Variants in NDST3 observed in about 807,000 individuals in gnomAD.
The protein encoded by NDST3 is bifunctional heparan sulfate N-deacetylase/N-sulfotransferase 3.
A neutral mutation model predicts 96.1 loss-of-function variants in NDST3; 58 were observed. The observed-to-expected ratio is 0.60, with a 90% CI of 0.49 to 0.75. NDST3 has a LOEUF of 0.75. NDST3 is among the 30% of genes least tolerant of loss of function. NDST3 has a pLI of 0.00. For missense variants in NDST3, 788 were observed against 1,034.2 expected (o/e 0.76, Z 3.27); for synonymous variants, 333 against 359.7 (o/e 0.93, Z 0.84).
intron 10 of NDST3, among the ~76,000 whole-genome samples, chr4:118,238,152 A>G (rs62326157): frequency 4.4e-4 from 29 of 65,874 alleles, no homozygotes; most frequent in Admixed American, 1.2e-3. Context: ...AGAGAAAAGA[A>G]AGAAAAGAAA....
At chr4:118,133,928 G>A (rs1407408163) in intron 4 of NDST3, among the ~76,000 whole-genome samples, 1 of 152,124 alleles carries the variant, frequency 6.6e-6, no homozygotes, top group African/African-American at 2.4e-5. Flanking sequence ...GAACCTTATT[G>A]TTTAATGAAA....
chr4:118,238,447 C>T (rs529381588), intron 10 of NDST3, among the ~76,000 whole-genome samples: 2 of 152,096 alleles, frequency 1.3e-5, no homozygotes, highest in South Asian at 2.1e-4. Flanking sequence ...AAACTTGTTT[C>T]GGTGATAATT....
At chr4:118,069,455 A>G (rs1052377338) in intron 2 of NDST3, among the ~76,000 whole-genome samples, 1 of 152,092 alleles carries the variant, frequency 6.6e-6, no homozygotes, top group African/African-American at 2.4e-5. Context: ...AGAAACTACA[A>G]TTAGAGTGAG....
At chr4:118,091,016 C>T (rs1349181452) in intron 2 of NDST3, among the ~76,000 whole-genome samples, 3 of 151,096 alleles carry the variant, frequency 2.0e-5, no homozygotes, top group South Asian at 2.1e-4. Context: ...TAGATGAGAT[C>T]GTGCCACTGC....
chr4:118,165,297 G>A (rs1735471220), intron 6 of NDST3, among the ~76,000 whole-genome samples: 2 of 151,714 alleles, frequency 1.3e-5, no homozygotes, highest in Admixed American at 6.6e-5. Flanking sequence ...CAGAAAAAAT[G>A]GACTTTAAGT....
At chr4:118,243,755 C>T (rs541387028) in intron 12 of NDST3, among the ~76,000 whole-genome samples, 27 of 152,236 alleles carry the variant, frequency 1.8e-4, no homozygotes, top group Non-Finnish European at 3.7e-4. Context: ...GTACAGTATT[C>T]TATAAAGACA....
At chr4:118,207,841 T>C (rs1402948362) in intron 6 of NDST3, among the ~76,000 whole-genome samples, 4 of 144,732 alleles carry the variant, frequency 2.8e-5, no homozygotes, top group Non-Finnish European at 6.1e-5. Flanking sequence ...TTTTAGAAAA[T>C]TTTCTTTAAG....
At chr4:118,110,282 G>A (rs577084416) in intron 3 of NDST3, among the ~76,000 whole-genome samples, 23 of 152,270 alleles carry the variant, frequency 1.5e-4, no homozygotes, top group African/African-American at 5.5e-4. Context: ...AATAAATGCT[G>A]ATCTTATTTC....
At chr4:118,125,543 T>A (rs1383722836) in intron 4 of NDST3, among the ~76,000 whole-genome samples, 1 of 152,076 alleles carries the variant, frequency 6.6e-6, no homozygotes, top group Non-Finnish European at 1.5e-5. Flanking sequence ...GATTATTCCA[T>A]CCTTAAGTAT....
intron 1 of NDST3, among the ~76,000 whole-genome samples, chr4:118,043,310 T>G (rs1246537164): frequency 6.6e-6 from 1 of 152,250 alleles, no homozygotes; most frequent in African/African-American, 2.4e-5. Flanking sequence ...AGGTGTAAGA[T>G]GCCATTGTAT....
chr4:118,087,430 C>CT (rs1488602413), intron 2 of NDST3, among the ~76,000 whole-genome samples: 1 of 152,086 alleles, frequency 6.6e-6, no homozygotes, highest in African/African-American at 2.4e-5. Context: ...TATCCTTTCC[C>CT]TTCCCATCAG....
At chr4:118,145,496 C>G (rs1160505155) in intron 6 of NDST3, among the ~76,000 whole-genome samples, 2 of 152,136 alleles carry the variant, frequency 1.3e-5, no homozygotes, top group African/African-American at 4.8e-5. Flanking sequence ...TGGATTTATA[C>G]TAAGAATTTC....
chr4:118,159,036 A>G (rs901466881), intron 6 of NDST3, among the ~76,000 whole-genome samples: 5 of 152,212 alleles, frequency 3.3e-5, no homozygotes, highest in African/African-American at 1.2e-4. Context: ...GCAGAGAGCA[A>G]CTGGAAGAAA....
intron 2 of NDST3, among the ~76,000 whole-genome samples, chr4:118,068,971 T>A (rs34623333): frequency 5.3e-5 from 8 of 152,068 alleles, no homozygotes; most frequent in Non-Finnish European, 8.8e-5. Context: ...AAACTGCCTA[T>A]GGAGATCAAT....
intron 3 of NDST3, 70 bp downstream of exon 3, chr4:118,105,175 C>A: frequency 9.0e-7 from 1 of 1,113,850 alleles, no homozygotes; most frequent in Non-Finnish European, 1.4e-6. Context: ...GCACACTTTT[C>A]CTGCCCACAC....
chr4:118,067,644 A>C (rs1402846327), intron 2 of NDST3, among the ~76,000 whole-genome samples: 1 of 152,134 alleles, frequency 6.6e-6, no homozygotes, highest in African/African-American at 2.4e-5. Context: ...TAAGGATGCC[A>C]GTGGCAAGAG....
At chr4:118,128,101 T>C (rs1220077034) in intron 4 of NDST3, among the ~76,000 whole-genome samples, 1 of 152,112 alleles carries the variant, frequency 6.6e-6, no homozygotes, top group East Asian at 1.9e-4. Flanking sequence ...CTTTAGGTTT[T>C]TCCAAATATA....
chr4:118,040,427 T>C (rs1330451026), intron 1 of NDST3, among the ~76,000 whole-genome samples: 1 of 152,146 alleles, frequency 6.6e-6, no homozygotes, highest in Non-Finnish European at 1.5e-5. Flanking sequence ...GTTATGCCTC[T>C]GATTGAGCCT....
chr4:118,187,793 C>T (rs1737060913), intron 6 of NDST3, among the ~76,000 whole-genome samples: 1 of 152,122 alleles, frequency 6.6e-6, no homozygotes, highest in Non-Finnish European at 1.5e-5. Flanking sequence ...GTTAGCTTTA[C>T]CTTAAGAGTT....
Sources: allele counts gnomAD v4.1 joint callset (sites outside exome capture counted in the v4.1 genomes callset), GRCh38; gene constraint gnomAD v4.1.1; transcripts MANE v1.5; gene names NCBI Gene and HGNC (gene_info 2026-07-23, HGNC 2026-07-21).